Variants in KCNAB1 observed in about 807,000 individuals in gnomAD.
KCNAB1 encodes potassium voltage-gated channel subfamily A regulatory beta subunit 1.
Under a neutral mutation model 64.6 loss-of-function variants are expected in KCNAB1, and 35 were observed. The observed-to-expected ratio is 0.54, with a 90% CI of 0.41 to 0.72. The LOEUF is 0.72. Ranked by LOEUF, KCNAB1 falls within the 30% of genes least tolerant of loss-of-function variation. The pLI is 0.00. For synonymous variants in KCNAB1, 177 were observed against 183.8 expected (o/e 0.96, Z 0.30); for missense variants, 401 against 512.9 (o/e 0.78, Z 2.11).
At chr3:156,445,129 C>G (rs959004373) in intron 2 of KCNAB1, among the ~76,000 whole-genome samples, 1 of 152,088 alleles carries the variant, frequency 6.6e-6, no homozygotes, top group Admixed American at 6.5e-5. Context: ...AACCTTGTCT[C>G]TAATAAAAAT....
chr3:156,382,496 G>A (rs555295447), intron 1 of KCNAB1, among the ~76,000 whole-genome samples: 15 of 151,930 alleles, frequency 9.9e-5, no homozygotes, highest in African/African-American at 2.7e-4. Context: ...ACAAACAAAC[G>A]AAAACAAAAA....
chr3:156,345,818 A>C (rs1399907873), intron 1 of KCNAB1, among the ~76,000 whole-genome samples: 2 of 152,230 alleles, frequency 1.3e-5, no homozygotes, highest in Non-Finnish European at 2.9e-5. Context: ...TCTATATGAA[A>C]GAAGAGAAGG....
chr3:156,189,296 A>G (rs1713406903), intron 1 of KCNAB1, among the ~76,000 whole-genome samples: 1 of 152,208 alleles, frequency 6.6e-6, no homozygotes, highest in Non-Finnish European at 1.5e-5. Flanking sequence ...CTGTTCCATG[A>G]TGAGAGCTGC....
intron 6 of KCNAB1, among the ~76,000 whole-genome samples, chr3:156,464,916 T>G (rs1244432373): frequency 6.6e-6 from 1 of 152,224 alleles, no homozygotes; most frequent in East Asian, 1.9e-4. Flanking sequence ...AGTAGAATAC[T>G]ACCTACGGTA....
At chr3:156,205,747 T>G (rs968119622) in intron 1 of KCNAB1, among the ~76,000 whole-genome samples, 11 of 152,200 alleles carry the variant, frequency 7.2e-5, no homozygotes, top group African/African-American at 2.7e-4. Flanking sequence ...CCCCATTGTC[T>G]GTCCTACATT....
intron 1 of KCNAB1, among the ~76,000 whole-genome samples, chr3:156,216,127 T>G (rs1715303884): frequency 6.6e-6 from 1 of 152,230 alleles, no homozygotes; most frequent in Non-Finnish European, 1.5e-5. Context: ...CTGCTGACTT[T>G]TATTATTTTA....
Position 156,516,319 on chromosome 3 carries a change from A to G in KCNAB1, c.915A>G (p.Gly305=), listed in dbSNP as rs75648931. Residue 305 remains glycine, a synonymous_variant, in exon 11 of 14, where the codon GGA becomes GGG. Transcript: ENST00000490337. ...CACTTGCCTGTGGAATCATCTCAGG[A>G]AAATACGGAAACGGGGTGCCTGAAA... ...WSPLACGIIS[G]KYGNGVPESS... 2.9e-3 allele frequency: 4,605 copies of G among 1,614,024 alleles called. 82 individuals are homozygous for G. The East Asian group carries it at 0.032, about 11-fold the overall frequency.
intron 1 of KCNAB1, among the ~76,000 whole-genome samples, chr3:156,208,338 G>A (rs1576606687): frequency 6.6e-6 from 1 of 152,014 alleles, no homozygotes; most frequent in African/African-American, 2.4e-5. Flanking sequence ...CCTTTTTCAC[G>A]GCCATGCTTC....
chr3:156,482,439 TA>T (rs1714890133), intron 8 of KCNAB1, among the ~76,000 whole-genome samples: 1 of 150,258 alleles, frequency 6.7e-6, no homozygotes, highest in African/African-American at 2.5e-5. Context: ...GTAAGAAAGT[TA>T]CATTAGATGG....
chr3:156,118,435 TC>T (rs1713173960), upstream of KCNAB1: 40 of 378,340 alleles, frequency 1.1e-4, 3 homozygotes, highest in South Asian at 8.2e-4. Flanking sequence ...TAGCACCACT[TC>T]CACCACGTTT....
chr3:156,296,019 T>C (rs911145870), intron 1 of KCNAB1, among the ~76,000 whole-genome samples: 1 of 152,202 alleles, frequency 6.6e-6, no homozygotes, highest in Non-Finnish European at 1.5e-5. Context: ...ACTCTCAGAG[T>C]TTCATAGTTG....
chr3:156,461,036 A>C (rs113180382), intron 5 of KCNAB1, among the ~76,000 whole-genome samples: 5 of 152,212 alleles, frequency 3.3e-5, no homozygotes, highest in African/African-American at 1.2e-4. Flanking sequence ...TAAGGATGTT[A>C]ATAGAAAACT....
intron 1 of KCNAB1, among the ~76,000 whole-genome samples, chr3:156,377,173 C>G (rs1423566074): frequency 6.6e-6 from 1 of 152,098 alleles, no homozygotes; most frequent in Non-Finnish European, 1.5e-5. Context: ...GCTTCAAAGA[C>G]ATGGAGATGC....
chr3:156,348,879 A>C (rs1429102905), intron 1 of KCNAB1, among the ~76,000 whole-genome samples: 5 of 152,164 alleles, frequency 3.3e-5, no homozygotes, highest in Admixed American at 2.6e-4. Context: ...TTTAGGGAGA[A>C]TCCTCTGGAC....
chr3:156,518,919 G>A (rs1717753774), intron 11 of KCNAB1, among the ~76,000 whole-genome samples: 1 of 152,146 alleles, frequency 6.6e-6, no homozygotes, highest in Non-Finnish European at 1.5e-5. Context: ...CTCACCCCCA[G>A]AACCTGCCAT....
chr3:156,234,930 T>C (rs1716763090), intron 1 of KCNAB1, among the ~76,000 whole-genome samples: 1 of 152,242 alleles, frequency 6.6e-6, no homozygotes, highest in Admixed American at 6.5e-5. Flanking sequence ...TTCATGTATA[T>C]TAGCACTGTT....
intron 2 of KCNAB1, among the ~76,000 whole-genome samples, chr3:156,451,846 G>A (rs1025945770): frequency 2.0e-5 from 3 of 151,906 alleles, no homozygotes; most frequent in East Asian, 1.9e-4. Flanking sequence ...TTTCTTCTTC[G>A]TTCAGTTAAC....
At chr3:156,168,800 T>C (rs1381600034) in intron 1 of KCNAB1, among the ~76,000 whole-genome samples, 1 of 152,214 alleles carries the variant, frequency 6.6e-6, no homozygotes, top group Non-Finnish European at 1.5e-5. Context: ...AGACATTTGC[T>C]CCAAAGAAAT....
intron 1 of KCNAB1, among the ~76,000 whole-genome samples, chr3:156,212,986 A>C (rs1715105838): frequency 2.0e-5 from 3 of 152,190 alleles, no homozygotes. Flanking sequence ...ATGTTTCAAA[A>C]TAAAGACACT....
Sources: gnomAD v4.1 joint callset for allele counts (sites outside exome capture counted in the v4.1 genomes callset) on GRCh38, gnomAD v4.1.1 for gene constraint, MANE v1.5 for transcripts, NCBI Gene and HGNC (gene_info 2026-07-23, HGNC 2026-07-21) for gene names.